Variants in NELL1 observed in about 807,000 individuals in gnomAD.
The protein encoded by NELL1 is protein kinase C-binding protein NELL1.
In NELL1, 76 loss-of-function variants were observed where a neutral mutation model predicts 107.4. That is an observed-to-expected ratio of 0.71 (90% CI 0.59 to 0.86). The LOEUF (loss-of-function observed/expected upper bound fraction) is 0.86. Ranked by LOEUF, NELL1 falls within the 40% of genes least tolerant of loss-of-function variation. The pLI, the probability that NELL1 is intolerant of heterozygous loss-of-function variation, is 0.00. For synonymous variants in NELL1, 353 were observed against 341.2 expected, an observed-to-expected ratio of 1.03 and a Z score of -0.38; for missense variants, 1,024 against 1,005.5, an observed-to-expected ratio of 1.02 and a Z score of -0.25.
chr11:21,052,664 C>T (rs1035365096), intron 12 of NELL1, among the ~76,000 whole-genome samples: 6 of 151,946 alleles, frequency 3.9e-5, no homozygotes, highest in Non-Finnish European at 8.8e-5. Flanking sequence ...AGTGAGTGGG[C>T]GAGAGGACTG....
At chr11:20,890,492 A>G (rs1190100470) in intron 5 of NELL1, among the ~76,000 whole-genome samples, 1 of 152,116 alleles carries the variant, frequency 6.6e-6, no homozygotes, top group Non-Finnish European at 1.5e-5. Context: ...AAGGGCACAG[A>G]ACTGGATGGA....
chr11:20,831,749 C>T (rs1381081350), intron 3 of NELL1, among the ~76,000 whole-genome samples: 2 of 152,084 alleles, frequency 1.3e-5, no homozygotes, highest in Admixed American at 6.5e-5. Context: ...TACCTAACGG[C>T]CAGTTTACTT....
At chr11:21,148,529 A>G (rs1379821525) in intron 13 of NELL1, among the ~76,000 whole-genome samples, 1 of 152,214 alleles carries the variant, frequency 6.6e-6, no homozygotes, top group Non-Finnish European at 1.5e-5. Context: ...GGTGGATATC[A>G]CTTAACAGGG....
intron 12 of NELL1, among the ~76,000 whole-genome samples, chr11:21,064,991 A>AATTACAATTAAATTTAATT (rs1467406986): frequency 6.6e-6 from 1 of 152,190 alleles, no homozygotes; most frequent in African/African-American, 2.4e-5. Context: ...TGTAATTTTT[A>AATTACAATTAAATTTAATT]ACAATGTAGA....
At chr11:20,689,285 A>G (rs1854390487) in intron 2 of NELL1, among the ~76,000 whole-genome samples, 1 of 150,252 alleles carries the variant, frequency 6.7e-6, no homozygotes, top group South Asian at 2.1e-4. Context: ...TTTATTTTTT[A>G]TTTTTTATTA....
chr11:20,840,299 A>G (rs1226577652), intron 3 of NELL1, among the ~76,000 whole-genome samples: 1 of 152,214 alleles, frequency 6.6e-6, no homozygotes, highest in Non-Finnish European at 1.5e-5. Flanking sequence ...TATAATAAAA[A>G]TCTGTATACC....
chr11:21,189,446 GCA>G (rs1857003531), intron 13 of NELL1, among the ~76,000 whole-genome samples: 1 of 151,726 alleles, frequency 6.6e-6, no homozygotes, highest in African/African-American at 2.4e-5. Flanking sequence ...AAGACACATT[GCA>G]CACAGTCTTT....
At chr11:20,951,712 A>G (rs148840655) in intron 11 of NELL1, among the ~76,000 whole-genome samples, 68 of 152,312 alleles carry the variant, frequency 4.5e-4, no homozygotes, top group Non-Finnish European at 7.5e-4. Context: ...AATCAAGGTG[A>G]TGGATACTGG....
At chr11:20,887,134 T>A (rs1849525412) in intron 5 of NELL1, among the ~76,000 whole-genome samples, 1 of 152,198 alleles carries the variant, frequency 6.6e-6, no homozygotes, top group South Asian at 2.1e-4. Context: ...GTTTCTATGT[T>A]GAGATTCACC....
intron 2 of NELL1, among the ~76,000 whole-genome samples, chr11:20,755,556 G>GTTTTTT (rs1188989442): frequency 2.1e-4 from 5 of 23,370 alleles, no homozygotes; most frequent in African/African-American, 3.3e-4. Flanking sequence ...TTTTGTTTTT[G>GTTTTTT]TTTTTGTTTT....
intron 5 of NELL1, among the ~76,000 whole-genome samples, chr11:20,895,361 C>T (rs1339755662): frequency 2.8e-5 from 4 of 141,210 alleles, no homozygotes; most frequent in African/African-American, 1.0e-4. Flanking sequence ...CTTTAACCAG[C>T]TTCTCTTCAT....
intron 2 of NELL1, among the ~76,000 whole-genome samples, chr11:20,754,258 G>A (rs76702077): frequency 0.021 from 3,190 of 152,268 alleles, 121 homozygotes; most frequent in South Asian, 0.16. Flanking sequence ...GATTTCAGTA[G>A]GGCCTTTAAC....
At chr11:21,046,265 G>A (rs939826948) in intron 12 of NELL1, among the ~76,000 whole-genome samples, 1 of 152,066 alleles carries the variant, frequency 6.6e-6, no homozygotes, top group East Asian at 1.9e-4. Flanking sequence ...TCTTATTCTG[G>A]TGGCTTTTAA....
intron 13 of NELL1, among the ~76,000 whole-genome samples, chr11:21,215,519 T>G (rs952398235): frequency 6.6e-6 from 1 of 152,078 alleles, no homozygotes; most frequent in Non-Finnish European, 1.5e-5. Context: ...TAGAAGAAGA[T>G]TGGAAACTAT....
intron 15 of NELL1, among the ~76,000 whole-genome samples, chr11:21,497,021 T>TATCA (rs1259445614): frequency 6.6e-6 from 1 of 151,730 alleles, no homozygotes; most frequent in Non-Finnish European, 1.5e-5. Flanking sequence ...TAATCCAGTC[T>TATCA]ATCATTGTTG....
rs79045792 is a variant in NELL1, at chr11:21,417,489, G to T, written c.1645+46541G>T. On this transcript the variant is annotated intron_variant, in intron 15 of 19. Transcript: ENST00000357134. Reference sequence around the variant, plus strand: ...TAAGGGGTTTCCAGATTTAAAGAAGGATAGCTTGTTTGTCTCTCAAACATG... The same window carrying T: ...TAAGGGGTTTCCAGATTTAAAGAAGTATAGCTTGTTTGTCTCTCAAACATG... 6.0e-3 allele frequency among the ~76,000 whole-genome samples: 908 copies of T among 151,618 alleles called. 12 individuals are homozygous for T. Among genetic ancestry groups the T allele is most frequent in the African/African-American group, 0.02 (846 of 41,310 alleles).
chr11:21,436,154 A>C lies in NELL1; in HGVS notation c.1645+65206A>C, dbSNP rs963419089. Among the ~76,000 whole-genome samples the C allele has an allele frequency of 2.6e-5, 4 of 152,132 alleles. No individual in the cohort carries two copies. The East Asian group carries it at 7.7e-4, about 29-fold the overall frequency. On this transcript the variant is annotated intron_variant, in intron 15 of 19. Coordinates refer to ENST00000357134, the MANE Select transcript of NELL1 (RefSeq NM_006157.5). ...TCACTGCAACCTCTGCCTCGGGTTC[A>C]AGTGATTCTCCTGCCTCAGCATCCC...
intron 12 of NELL1, among the ~76,000 whole-genome samples, chr11:20,982,534 T>C (rs1312709409): frequency 6.6e-6 from 1 of 152,192 alleles, no homozygotes; most frequent in South Asian, 2.1e-4. Flanking sequence ...TGTTCAATGG[T>C]AGTAATGATG....
At chr11:21,275,296 C>T (rs570251270) in intron 14 of NELL1, among the ~76,000 whole-genome samples, 1 of 152,276 alleles carries the variant, frequency 6.6e-6, no homozygotes, top group East Asian at 1.9e-4. Context: ...ACTAGAAAAT[C>T]TAGAAGAAAT....
Sources: gnomAD v4.1 joint callset for allele counts (sites outside exome capture counted in the v4.1 genomes callset) on GRCh38, gnomAD v4.1.1 for gene constraint, MANE v1.5 for transcripts, NCBI Gene and HGNC (gene_info 2026-07-23, HGNC 2026-07-21) for gene names.